The following NMT2 variants were observed in gnomAD, a reference collection of about 807,000 sequenced individuals.
NMT2 encodes the protein N-myristoyltransferase 2.
In NMT2, 35 loss-of-function variants were observed where a neutral mutation model predicts 65.4. The observed-to-expected ratio is 0.54, with a 90% confidence interval of 0.41 to 0.71. The LOEUF is 0.71. Among genes scored for constraint, NMT2 ranks in the 30% least tolerant of loss-of-function variants. The pLI, the probability that NMT2 is intolerant of heterozygous loss-of-function variation, is 0.00. For missense variants in NMT2, 489 were observed against 611.3 expected (o/e 0.80, Z 2.11); for synonymous variants, 226 against 231.8 (o/e 0.98, Z 0.23).
At position 15,108,566 on chromosome 10, in the gene NMT2, G is replaced by A. The variant is rs1462670706; in HGVS notation, c.*629C>T. 4 of 985,960 alleles carry A rather than the reference G, an allele frequency of 4.1e-6. No individual in the cohort carries two copies. Among genetic ancestry groups the A allele is most frequent in the Admixed American group, 1.2e-4 (2 of 16,268 alleles). 61.1% of individuals were successfully genotyped at this position (985,960 alleles called of 1,614,324 possible). ...ATCCACTGACCTGGTAAAGATCAAA[G>A]TACAAACTTGCATGTTTATTGATTC... On this transcript the variant is annotated 3_prime_UTR_variant, in exon 12 of 12. Transcript: ENST00000378165.
At chr10:15,111,278 C>T (rs966597646) in intron 10 of NMT2, among the ~76,000 whole-genome samples, 9 of 151,482 alleles carry the variant, frequency 5.9e-5, no homozygotes, top group African/African-American at 2.2e-4. Context: ...TGGGAGGCCG[C>T]AGCAGGTGGA....
In NMT2 at chr10:15,106,711, A is replaced by G; in HGVS notation, c.*2484T>C. 1.1e-6 allele frequency: 1 copy of G among 940,958 alleles called. No individual in the cohort carries two copies. The highest frequency in any genetic ancestry group is 1.3e-6 in the Non-Finnish European group (1 of 789,404). The allele number at this position is 940,958 out of a possible 1,614,324, so 58.3% of individuals were successfully genotyped here. A position where few individuals can be genotyped will look rare whatever the true frequency, so the allele number is the denominator to read the frequency against. Reference sequence around the variant, plus strand: ...GTCAACAAACTTTCTGTAAAAGACCAGAGAGTGAATATCTTAGGCTTTGCA... The same window carrying G: ...GTCAACAAACTTTCTGTAAAAGACCGGAGAGTGAATATCTTAGGCTTTGCA... On this transcript the variant is annotated 3_prime_UTR_variant, in exon 12 of 12. Transcript: ENST00000378165.
At chr10:15,140,914 T>G in intron 2 of NMT2, 1 of 1,347,898 alleles carries the variant, frequency 7.4e-7, no homozygotes, top group Non-Finnish European at 1.0e-6. Flanking sequence ...CAGGAACTAT[T>G]TCCCACCCTT....
chr10:15,127,561 AAAAAAAAAATAAAT>A (rs1846125823), intron 8 of NMT2, among the ~76,000 whole-genome samples: 1 of 71,280 alleles, frequency 1.4e-5, no homozygotes, highest in East Asian at 2.8e-4. Flanking sequence ...AAAAAAAAAA[AAAAAAAAAATAAAT>A]AAATAAATAA....
intron 8 of NMT2, 73 bp downstream of exon 8, chr10:15,128,277 G>T (rs1846164775): frequency 1.1e-6 from 1 of 882,574 alleles, no homozygotes; most frequent in East Asian, 2.4e-5. Context: ...TTAGACTCCT[G>T]CAAATAATTC....
chr10:15,113,901 C>T (rs1845658772), intron 9 of NMT2, among the ~76,000 whole-genome samples: 1 of 152,102 alleles, frequency 6.6e-6, no homozygotes, highest in Non-Finnish European at 1.5e-5. Flanking sequence ...CAGTATTGTT[C>T]GGGTTGTTGT....
rs143946174 is a variant in NMT2 at position 15,110,534 on chromosome 10, G to A, written c.1339-695C>T. On this transcript the variant is annotated intron_variant, in intron 10 of 11. Transcript: ENST00000378165. ...TGTGCCTGTGGACCCAGCTACACAGGAGGCTGAGGCAGGATTGCATAAGCC... is the reference window on the plus strand; with the variant it reads ...TGTGCCTGTGGACCCAGCTACACAGAAGGCTGAGGCAGGATTGCATAAGCC... Among the ~76,000 whole-genome samples, 652 of 152,294 alleles carry A rather than the reference G, an allele frequency of 4.3e-3. 3 individuals carry two copies. The highest frequency in any genetic ancestry group is 6.9e-3 in the Non-Finnish European group (468 of 68,014).
At chr10:15,150,914 A>C (rs1342875685) in intron 1 of NMT2, among the ~76,000 whole-genome samples, 1 of 152,164 alleles carries the variant, frequency 6.6e-6, no homozygotes, top group Non-Finnish European at 1.5e-5. Flanking sequence ...CCAGTTTGTT[A>C]ACTAGTCCCT....
At chr10:15,135,454 G>A (rs1846448163) in intron 2 of NMT2, 36 bp from the exon 3 acceptor site, 4 of 1,603,952 alleles carry the variant, frequency 2.5e-6, no homozygotes, top group Non-Finnish European at 3.4e-6. Flanking sequence ...ATATGAGAGA[G>A]CGGCTGCTGA....
chr10:15,107,529 T>A lies in NMT2; in HGVS notation c.*1666A>T. 1 of 795,304 alleles carries A rather than the reference T, an allele frequency of 1.3e-6. No homozygotes were observed. The highest frequency in any genetic ancestry group is 1.5e-6 in the Non-Finnish European group (1 of 656,688). 49.3% of individuals were successfully genotyped at this position (795,304 alleles called of 1,614,324 possible). A position where few individuals can be genotyped will look rare whatever the true frequency, so the allele number is the denominator to read the frequency against. ...GTGCAGTGGCACGATCTTGGCTCAC[T>A]GCAACTTCCGCCTCCTGGGTTCAAG... is the stretch of plus-strand genomic sequence containing the variant. On this transcript the variant is annotated 3_prime_UTR_variant, in exon 12 of 12. Coordinates refer to ENST00000378165, the MANE Select transcript of NMT2 (RefSeq NM_004808.3).
chr10:15,135,246 A>G (rs765140133), intron 3 of NMT2, 28 bp downstream of exon 3: 17 of 1,606,230 alleles, frequency 1.1e-5, no homozygotes, highest in Admixed American at 1.7e-5. Context: ...GTTTGTGGGG[A>G]AAAAAAGAGA....
intron 2 of NMT2, among the ~76,000 whole-genome samples, chr10:15,137,015 G>A (rs1846536513): frequency 6.6e-6 from 1 of 152,140 alleles, no homozygotes; most frequent in African/African-American, 2.4e-5. Flanking sequence ...TTCAGAAAGT[G>A]GTTAGAAGTT....
chr10:15,130,703 C>CAAAAAAAAAAAAAA (rs974360507), intron 6 of NMT2, among the ~76,000 whole-genome samples: 4 of 28,620 alleles, frequency 1.4e-4, no homozygotes, highest in Non-Finnish European at 2.0e-4. Context: ...GGCCCTGTCT[C>CAAAAAAAAAAAAAA]AAAAAAAAAA....
Position 15,168,234 on chromosome 10 carries a change from C to G in NMT2, c.110+269G>C, listed in dbSNP as rs537739257. On this transcript the variant is annotated intron_variant, in intron 1 of 11. Coordinates refer to ENST00000378165, the MANE Select transcript of NMT2 (RefSeq NM_004808.3). ...AGGCCGCCGGCGGGGATGGGCGAGG[C>G]TGGCCGGGGGCGCGCGGCAAGTGAC... is the stretch of plus-strand genomic sequence containing the variant. 115 of 334,716 alleles carry G rather than the reference C, an allele frequency of 3.4e-4. No homozygotes were observed. In the Admixed American group the frequency reaches 5.5e-3, roughly 16 times the overall value. The allele number at this position is 334,716 out of a possible 1,614,324, so 20.7% of individuals were successfully genotyped here.
At chr10:15,145,792 G>A (rs976027937) in intron 1 of NMT2, among the ~76,000 whole-genome samples, 2 of 152,162 alleles carry the variant, frequency 1.3e-5, no homozygotes, top group African/African-American at 4.8e-5. Context: ...TGATGTTATG[G>A]CCAGAGCAGA....
chr10:15,141,388 C>T, intron 2 of NMT2, 34 bp downstream of exon 2: 1 of 1,612,574 alleles, frequency 6.2e-7, no homozygotes, highest in Non-Finnish European at 8.5e-7. Flanking sequence ...GCACGAGAAA[C>T]CACACAGAGG....
At chr10:15,154,339 A>G (rs1832914460) in intron 1 of NMT2, among the ~76,000 whole-genome samples, 1 of 152,140 alleles carries the variant, frequency 6.6e-6, no homozygotes. Context: ...GTAGAACCAC[A>G]TGACGGGATG....
Position 15,107,014 on chromosome 10 carries a change from A to G in NMT2, c.*2181T>C, listed in dbSNP as rs1181818686. Among the ~76,000 whole-genome samples, 1 of 152,020 alleles carries G rather than the reference A, an allele frequency of 6.6e-6. No individual in the cohort carries two copies. The highest frequency in any genetic ancestry group is 2.4e-5 in the African/African-American group (1 of 41,386). ...TTTTTCTTCAAAAAGACGCTGAAGCAGGAGGATCATTTTAACCCAGGAGTT... is the reference window on the plus strand; with the variant it reads ...TTTTTCTTCAAAAAGACGCTGAAGCGGGAGGATCATTTTAACCCAGGAGTT... On this transcript the variant is annotated 3_prime_UTR_variant, in exon 12 of 12. Coordinates refer to ENST00000378165, the MANE Select transcript of NMT2 (RefSeq NM_004808.3).
At chr10:15,141,803 G>A (rs904589363) in intron 1 of NMT2, among the ~76,000 whole-genome samples, 46 of 152,206 alleles carry the variant, frequency 3.0e-4, no homozygotes, top group Admixed American at 7.2e-4. Flanking sequence ...GAAGATTGCA[G>A]AGATAAACCA....
Sources: allele counts gnomAD v4.1 joint callset (sites outside exome capture counted in the v4.1 genomes callset), GRCh38; gene constraint gnomAD v4.1.1; transcripts MANE v1.5; gene names NCBI Gene and HGNC (gene_info 2026-07-23, HGNC 2026-07-21).